EPM2A: variants seen among roughly 807,000 people sequenced by gnomAD.
EPM2A encodes the protein laforin.
A neutral mutation model predicts 26.5 loss-of-function variants in EPM2A; 21 were observed. That is an observed-to-expected ratio of 0.79 (90% CI 0.56 to 1.14). EPM2A has a LOEUF of 1.14. Ranked by LOEUF, EPM2A falls within the 50% of genes most tolerant of loss-of-function variation. EPM2A has a pLI of 0.00. For synonymous variants in EPM2A, 217 were observed against 177.6 expected (o/e 1.22, Z -1.76); for missense variants, 458 against 440.8 (o/e 1.04, Z -0.35).
intron 2 of EPM2A, among the ~76,000 whole-genome samples, chr6:145,656,798 G>A (rs964531014): frequency 6.6e-6 from 1 of 152,092 alleles, no homozygotes; most frequent in Non-Finnish European, 1.5e-5. Context: ...CTACAGTACT[G>A]GAAGTGCTGG....
chr6:145,735,536 C>A (rs1204372763), upstream of EPM2A: 1 of 1,163,884 alleles, frequency 8.6e-7, no homozygotes, highest in East Asian at 3.9e-5. Context: ...GGCCCGGAGT[C>A]CCCGCGGCCG....
intron 2 of EPM2A, among the ~76,000 whole-genome samples, chr6:145,661,024 G>T (rs1402141598): frequency 6.6e-6 from 1 of 152,072 alleles, no homozygotes; most frequent in Non-Finnish European, 1.5e-5. Flanking sequence ...GACAAGAAAA[G>T]ACAGAGAAGG....
intron 4 of EPM2A, among the ~76,000 whole-genome samples, chr6:145,449,914 CAA>C (rs1393690569): frequency 3.3e-5 from 5 of 151,364 alleles, no homozygotes; most frequent in African/African-American, 1.2e-4. Flanking sequence ...GCTATATGAA[CAA>C]AGACAATGGA....
chr6:145,457,470 T>TGA (rs1416692997), intron 4 of EPM2A, among the ~76,000 whole-genome samples: 47 of 139,794 alleles, frequency 3.4e-4, no homozygotes, highest in African/African-American at 1.2e-3. Flanking sequence ...GGCACTAGAG[T>TGA]GACTCTGTCT....
intron 4 of EPM2A, among the ~76,000 whole-genome samples, chr6:145,402,360 C>T (rs1025881584): frequency 7.9e-5 from 12 of 152,004 alleles, no homozygotes; most frequent in Non-Finnish European, 1.6e-4. Flanking sequence ...TGACTAGTAC[C>T]CTTCAAAGGT....
chr6:145,570,434 GATGTGAAGTCAATAAATCTTATGTCAC>G (rs1164360200), intron 2 of EPM2A, among the ~76,000 whole-genome samples: 1 of 152,188 alleles, frequency 6.6e-6, no homozygotes, highest in Admixed American at 6.5e-5. Flanking sequence ...TTTAAATGCT[GATGTGAAGTCAATAAATCTTATGTCAC>G]ATGATAAAGG....
At chr6:145,578,089 A>G (rs1781059812) in intron 2 of EPM2A, among the ~76,000 whole-genome samples, 2 of 152,070 alleles carry the variant, frequency 1.3e-5, no homozygotes, top group Non-Finnish European at 2.9e-5. Flanking sequence ...AAATGTCAAC[A>G]TCAAAAAAGT....
At chr6:145,496,729 T>TGTTTTTTTG (rs71028353), downstream of EPM2A, among the ~76,000 whole-genome samples, 6 of 72,830 alleles carry the variant, frequency 8.2e-5, no homozygotes, top group Non-Finnish European at 5.9e-5. Context: ...GTTCCTGCAA[T>TGTTTTTTTG]TTTTTTTTTT....
Position 145,714,576 on chromosome 6 carries a change from T to G in EPM2A, c.301+20622A>C, listed in dbSNP as rs778833051. ...CAAGTGTATTAGTCCATTTTCACAA[T>G]GCTGATAGAGACATACCTGAGAAAG... is the stretch of plus-strand genomic sequence containing the variant. On this transcript the variant is annotated intron_variant, in intron 1 of 3. Transcript: ENST00000367519. Among the ~76,000 whole-genome samples the G allele has an allele frequency of 2.6e-5, 4 of 152,314 alleles. No homozygotes were observed. In the South Asian group the frequency reaches 8.3e-4, roughly 32 times the overall value.
At chr6:145,496,185 G>T (rs1357101071) in intron 4 of EPM2A, among the ~76,000 whole-genome samples, 2 of 151,970 alleles carry the variant, frequency 1.3e-5, no homozygotes, top group Non-Finnish European at 2.9e-5. Context: ...TAGTCTGATG[G>T]GCTTCCCTTT....
intron 4 of EPM2A, among the ~76,000 whole-genome samples, chr6:145,488,520 T>TGAGAGAGAGAGAGAGAGA (rs1215856544): frequency 2.0e-4 from 28 of 136,600 alleles, no homozygotes; most frequent in African/African-American, 5.5e-4. Flanking sequence ...TGTGTGTGTG[T>TGAGAGAGAGAGAGAGAGA]GTGAGAGAGA....
At chr6:145,655,021 C>T (rs1232292178) in intron 2 of EPM2A, among the ~76,000 whole-genome samples, 1 of 151,960 alleles carries the variant, frequency 6.6e-6, no homozygotes, top group African/African-American at 2.4e-5. Flanking sequence ...TTTTCACACC[C>T]CAAAAATGCA....
intron 4 of EPM2A, among the ~76,000 whole-genome samples, chr6:145,402,423 G>A (rs969552628): frequency 3.9e-5 from 6 of 152,212 alleles, no homozygotes; most frequent in South Asian, 4.1e-4. Context: ...AGATAAAGAC[G>A]CATGACATTA....
chr6:145,501,735 TGAGC>T, exon 4 of EPM2A: 1 of 465,946 alleles, frequency 2.1e-6, no homozygotes, highest in Non-Finnish European at 4.4e-6. Flanking sequence ...CTTTCCTGTG[TGAGC>T]TTGCACCAGT....
intron 4 of EPM2A, among the ~76,000 whole-genome samples, chr6:145,399,231 C>A (rs893855902): frequency 6.6e-6 from 1 of 152,090 alleles, no homozygotes; most frequent in Non-Finnish European, 1.5e-5. Context: ...TTATTTAGTT[C>A]ATCAATAAAC....
chr6:145,677,778 G>A (rs536591777), intron 2 of EPM2A, among the ~76,000 whole-genome samples: 1 of 151,922 alleles, frequency 6.6e-6, no homozygotes, highest in Admixed American at 6.6e-5. Context: ...AAAATAAAAG[G>A]GGACACAAAC....
intron 2 of EPM2A, among the ~76,000 whole-genome samples, chr6:145,657,454 T>A (rs1435306310): frequency 6.6e-6 from 1 of 152,176 alleles, no homozygotes; most frequent in Admixed American, 6.5e-5. Context: ...CATTTAAAAA[T>A]TTTTTTACAA....
chr6:145,642,899 C>A (rs1237877029), intron 2 of EPM2A, among the ~76,000 whole-genome samples: 1 of 152,058 alleles, frequency 6.6e-6, no homozygotes, highest in Admixed American at 6.5e-5. Context: ...CAATGAAAAA[C>A]CAATGAAAGG....
chr6:145,416,233 C>G (rs1345087352), intron 4 of EPM2A, among the ~76,000 whole-genome samples: 1 of 138,258 alleles, frequency 7.2e-6, no homozygotes, highest in Non-Finnish European at 1.5e-5. Flanking sequence ...GGCTATGCAT[C>G]TTTTTCAAAA....
Sources: gnomAD v4.1 joint callset for allele counts (sites outside exome capture counted in the v4.1 genomes callset) on GRCh38, gnomAD v4.1.1 for gene constraint, MANE v1.5 for transcripts, NCBI Gene and HGNC (gene_info 2026-07-23, HGNC 2026-07-21) for gene names.